Variants in RXFP1 observed in about 807,000 individuals in gnomAD.
RXFP1 encodes the protein relaxin family peptide receptor 1.
A neutral mutation model predicts 89.8 loss-of-function variants in RXFP1; 73 were observed. That is an observed-to-expected ratio of 0.81 (90% confidence interval 0.67 to 0.99). The LOEUF (loss-of-function observed/expected upper bound fraction) is 0.99, where lower values mean the gene tolerates loss of function less well. Ranked by LOEUF, RXFP1 falls within the 50% of genes least tolerant of loss-of-function variation. RXFP1 has a pLI of 0.00. For missense variants in RXFP1, 793 were observed against 895.5 expected (o/e 0.89, Z 1.46); for synonymous variants, 277 against 305.5 (o/e 0.91, Z 0.97).
intron 1 of RXFP1, among the ~76,000 whole-genome samples, chr4:158,563,095 G>A (rs987661419): frequency 6.6e-6 from 1 of 152,310 alleles, no homozygotes; most frequent in Non-Finnish European, 1.5e-5. Flanking sequence ...AGTTTCCCCA[G>A]GGAAGGGATT....
chr4:158,608,879 G>A (rs1763031258), intron 6 of RXFP1, among the ~76,000 whole-genome samples: 1 of 152,150 alleles, frequency 6.6e-6, no homozygotes. Flanking sequence ...CATATAAGGA[G>A]AATCATAAAA....
chr4:158,597,360 G>A (rs1248567367), intron 3 of RXFP1, among the ~76,000 whole-genome samples: 1 of 152,138 alleles, frequency 6.6e-6, no homozygotes, highest in Non-Finnish European at 1.5e-5. Context: ...GATTTGAAAA[G>A]TACAGAGATT....
Position 158,599,421 on chromosome 4 carries a change from G to A in RXFP1, c.382G>A (p.Val128Met). The A allele has an allele frequency of 2.5e-6, 4 of 1,613,132 alleles. No individual in the cohort carries two copies. The South Asian group carries it at 3.3e-5, about 13-fold the overall frequency. ...AGCTGTTCCATCGGTTTCTTCAAAT[G>A]TGACTGCAATGTAAGTAGAAAAGAA... ...LRAVPSVSSN[V>M]TAMSLQWNLI... is the part of the protein sequence containing the mutation. The change falls in exon 4 of 18, where the codon GTG (valine) becomes ATG (methionine). Residue 128 changes from valine (V) to methionine (M), a missense_variant. Val to Met is a conservative substitution (Grantham distance 21). Coordinates refer to ENST00000307765, the MANE Select transcript of RXFP1 (RefSeq NM_021634.4).
chr4:158,545,166 T>A (rs1466110462), intron 1 of RXFP1, among the ~76,000 whole-genome samples: 32 of 151,896 alleles, frequency 2.1e-4, no homozygotes, highest in African/African-American at 6.8e-4. Context: ...GGTATCTCAT[T>A]GTGGTTTTGA....
At chr4:158,542,109 A>ATATTTTT in intron 1 of RXFP1, among the ~76,000 whole-genome samples, 41 of 35,228 alleles carry the variant, frequency 1.2e-3, no homozygotes, top group East Asian at 3.7e-3. Context: ...ATATATATAT[A>ATATTTTT]TTTTTTTTTT....
intron 1 of RXFP1, among the ~76,000 whole-genome samples, chr4:158,555,888 T>A (rs1751171147): frequency 6.6e-6 from 1 of 152,160 alleles, no homozygotes; most frequent in Non-Finnish European, 1.5e-5. Context: ...TGTAGAAGAA[T>A]GAGATTACAC....
At chr4:158,551,531 AGAT>A (rs1374253613) in intron 1 of RXFP1, among the ~76,000 whole-genome samples, 1 of 142,860 alleles carries the variant, frequency 7.0e-6, no homozygotes, top group African/African-American at 2.8e-5. Context: ...CTAGCATATA[AGAT>A]GATGATTATG....
intron 1 of RXFP1, among the ~76,000 whole-genome samples, chr4:158,548,594 G>T (rs1749183452): frequency 2.6e-5 from 4 of 152,176 alleles, no homozygotes; most frequent in Admixed American, 6.5e-5. Context: ...GGTACTGGTT[G>T]TTCCTTTCCT....
At chr4:158,562,561 T>TTATTAAGG (rs1752717640) in intron 1 of RXFP1, among the ~76,000 whole-genome samples, 1 of 135,162 alleles carries the variant, frequency 7.4e-6, no homozygotes, top group South Asian at 2.5e-4. Flanking sequence ...ATACACATAT[T>TTATTAAGG]TATTAAGGGG....
chr4:158,648,589 TA>T lies in RXFP1; in HGVS notation c.1848del (p.Arg617GlyfsTer8), dbSNP rs1335452069. On this transcript the variant is annotated frameshift_variant, in exon 17 of 18. Transcript: ENST00000307765. LOFTEE classifies it high-confidence loss of function. ...VHQSAITATE[I>X]RNQVKKEMIL... ...CAAAGTGCCATAACAGCAACTGAAA[TA>T]CGGAATCAAGTTAAAAAAGAGATGA... 1 of 1,613,090 alleles carries T rather than the reference TA, an allele frequency of 6.2e-7. No homozygotes were observed. The highest frequency in any genetic ancestry group is 2.2e-5 in the East Asian group (1 of 44,768).
Position 158,549,875 on chromosome 4 carries a change from C to A in RXFP1, c.50-22823C>A, listed in dbSNP as rs560995147. On this transcript the variant is annotated intron_variant, in intron 1 of 17. Transcript: ENST00000307765. ...GTCTGCCCCTACTGGGGGGGTGCCT[C>A]CCAGTTAGGCTGCTTGGGGGTCAGG... Among the ~76,000 whole-genome samples the A allele has an allele frequency of 4.0e-4, 61 of 152,340 alleles. 1 individual carries two copies. The highest frequency in any genetic ancestry group is 2.2e-3 in the Admixed American group (34 of 15,304).
chr4:158,592,850 G>C (rs771683828), intron 2 of RXFP1, among the ~76,000 whole-genome samples: 11 of 152,040 alleles, frequency 7.2e-5, no homozygotes, highest in African/African-American at 2.2e-4. Flanking sequence ...CAACACTTTG[G>C]GGGGCCGAGG....
chr4:158,588,086 T>C (rs1171430594), intron 2 of RXFP1, among the ~76,000 whole-genome samples: 3 of 152,178 alleles, frequency 2.0e-5, no homozygotes, highest in African/African-American at 7.2e-5. Flanking sequence ...CAAGGAAATA[T>C]ATGGTGATTC....
chr4:158,546,350 G>A (rs1445694836), intron 1 of RXFP1, among the ~76,000 whole-genome samples: 1 of 152,134 alleles, frequency 6.6e-6, no homozygotes, highest in Non-Finnish European at 1.5e-5. Context: ...GAGATTTTGG[G>A]CTGAGACAAT....
At chr4:158,643,950 T>C (rs1770939541) in intron 14 of RXFP1, among the ~76,000 whole-genome samples, 1 of 152,090 alleles carries the variant, frequency 6.6e-6, no homozygotes, top group Non-Finnish European at 1.5e-5. Context: ...TGGAGTAAGA[T>C]GATACCTCAT....
At chr4:158,599,472 C>T (rs765372945) in intron 4 of RXFP1, 41 bp downstream of exon 4, 4 of 1,499,552 alleles carry the variant, frequency 2.7e-6, no homozygotes, top group East Asian at 4.6e-5. Flanking sequence ...AGCTGGGTAG[C>T]ACCTGTAAAA....
chr4:158,576,673 A>G (rs1269479375), intron 2 of RXFP1, among the ~76,000 whole-genome samples: 1 of 152,156 alleles, frequency 6.6e-6, no homozygotes, highest in African/African-American at 2.4e-5. Flanking sequence ...CTTGCTCACA[A>G]ACTCCATTAT....
chr4:158,600,191 C>T (rs1761422078), intron 4 of RXFP1, among the ~76,000 whole-genome samples: 1 of 152,160 alleles, frequency 6.6e-6, no homozygotes, highest in Admixed American at 6.5e-5. Context: ...GTGGCTCTCA[C>T]TTTTGGGTAT....
At chr4:158,638,355 C>T (rs909343989) in intron 13 of RXFP1, among the ~76,000 whole-genome samples, 4 of 152,126 alleles carry the variant, frequency 2.6e-5, no homozygotes, top group South Asian at 2.1e-4. Context: ...CCTTCAAAGA[C>T]ATCTGTGCAT....
Sources: gnomAD v4.1 joint callset for allele counts (sites outside exome capture counted in the v4.1 genomes callset) on GRCh38, gnomAD v4.1.1 for gene constraint, MANE v1.5 for transcripts, NCBI Gene and HGNC (gene_info 2026-07-23, HGNC 2026-07-21) for gene names.